The following SCAMP1 variants were observed in gnomAD, a reference collection of about 807,000 sequenced individuals.
The protein encoded by SCAMP1 is secretory carrier-associated membrane protein 1.
SCAMP1 carries 15 observed loss-of-function variants against 41.8 expected under a neutral mutation model. That is an observed-to-expected ratio of 0.36 (90% CI 0.24 to 0.55). SCAMP1 has a LOEUF of 0.55. SCAMP1 is among the 20% of genes least tolerant of loss of function. The pLI is 0.86. For missense variants in SCAMP1, 341 were observed against 412.6 expected, an observed-to-expected ratio of 0.83 and a Z score of 1.50; for synonymous variants, 135 against 136.8, an observed-to-expected ratio of 0.99 and a Z score of 0.09.
At chr5:78,463,024 C>G (rs1753655294) in intron 8 of SCAMP1, among the ~76,000 whole-genome samples, 1 of 61,206 alleles carries the variant, frequency 1.6e-5, no homozygotes, top group African/African-American at 8.7e-5. Context: ...TTTAAAACCA[C>G]TTTTACTCTT....
chr5:78,449,553 A>G (rs1267460287), intron 6 of SCAMP1, among the ~76,000 whole-genome samples: 4 of 152,240 alleles, frequency 2.6e-5, no homozygotes, highest in Admixed American at 6.5e-5. Context: ...GTATATAAAT[A>G]TGTCAAAAAT....
At chr5:78,416,509 A>G (rs1308488093) in intron 3 of SCAMP1, 32 bp from the exon 4 acceptor site, 4 of 1,465,164 alleles carry the variant, frequency 2.7e-6, no homozygotes, top group East Asian at 2.4e-5. Flanking sequence ...TACTTCTGAC[A>G]GTCTATTCAC....
intron 6 of SCAMP1, among the ~76,000 whole-genome samples, chr5:78,448,601 T>C (rs1177172611): frequency 6.6e-6 from 1 of 152,198 alleles, no homozygotes; most frequent in Non-Finnish European, 1.5e-5. Context: ...CCATGTAAGA[T>C]ATTACTGTAC....
intron 6 of SCAMP1, among the ~76,000 whole-genome samples, chr5:78,424,838 CATT>C (rs1752426510): frequency 6.6e-6 from 1 of 152,178 alleles, no homozygotes. Flanking sequence ...AACAAGGCAG[CATT>C]ATTGTTGAAT....
At chr5:78,365,649 C>A (rs928245068) in intron 1 of SCAMP1, among the ~76,000 whole-genome samples, 2 of 152,070 alleles carry the variant, frequency 1.3e-5, no homozygotes, top group Non-Finnish European at 2.9e-5. Context: ...CTACATCAAC[C>A]TGCTAGACTA....
intron 6 of SCAMP1, among the ~76,000 whole-genome samples, chr5:78,435,042 G>A (rs938919239): frequency 2.0e-5 from 3 of 152,170 alleles, no homozygotes; most frequent in African/African-American, 7.2e-5. Flanking sequence ...CATGTATGGT[G>A]TATCTAAGAG....
rs950159191 is a variant in SCAMP1 at position 78,476,560 on chromosome 5, A to T, written c.*892A>T. The T allele has an allele frequency of 2.0e-5, 3 of 152,542 alleles. No individual in the cohort carries two copies. Among genetic ancestry groups the T allele is most frequent in the Non-Finnish European group, 4.4e-5 (3 of 67,976 alleles). 9.4% of individuals were successfully genotyped at this position (152,542 alleles called of 1,614,324 possible). A position where few individuals can be genotyped will look rare whatever the true frequency, so the allele number is the denominator to read the frequency against. ...TTGGTATATTCTGTGGTTACAACTAAGATTGTGTCTGGCAGCTCTTTTTTG... is the reference window on the plus strand; with the variant it reads ...TTGGTATATTCTGTGGTTACAACTATGATTGTGTCTGGCAGCTCTTTTTTG... On this transcript the variant is annotated 3_prime_UTR_variant, in exon 9 of 9. Coordinates refer to ENST00000621999, the MANE Select transcript of SCAMP1 (RefSeq NM_004866.6).
intron 7 of SCAMP1, among the ~76,000 whole-genome samples, chr5:78,451,713 C>T (rs754842797): frequency 9.9e-5 from 15 of 152,096 alleles, no homozygotes; most frequent in Admixed American, 5.9e-4. Context: ...GCTGGAGTGC[C>T]GTGGCATGAT....
At chr5:78,399,515 T>C (rs566378629) in intron 2 of SCAMP1, among the ~76,000 whole-genome samples, 13 of 152,352 alleles carry the variant, frequency 8.5e-5, no homozygotes, top group African/African-American at 3.1e-4. Flanking sequence ...GCCATCTTAA[T>C]TGGTGTGTAG....
chr5:78,368,667 C>G (rs1200143067), intron 1 of SCAMP1, among the ~76,000 whole-genome samples: 2 of 152,008 alleles, frequency 1.3e-5, no homozygotes, highest in African/African-American at 4.8e-5. Context: ...CTAGGATATG[C>G]CCAAAGAGGA....
In SCAMP1 at chr5:78,480,024, C is replaced by T. The variant is rs997159761; in HGVS notation, c.*4356C>T. Reference sequence around the variant, plus strand: ...TCTCTCCACTGCACTCCAGCCTGGGCGACAGAGCGAGACTCCATCTCAAGA... The same window carrying T: ...TCTCTCCACTGCACTCCAGCCTGGGTGACAGAGCGAGACTCCATCTCAAGA... On this transcript the variant is annotated 3_prime_UTR_variant, in exon 9 of 9. Transcript: ENST00000621999. Among the ~76,000 whole-genome samples the T allele has an allele frequency of 8.7e-5, 13 of 149,700 alleles. No individual in the cohort carries two copies. Among genetic ancestry groups the T allele is most frequent in the African/African-American group, 2.7e-4 (11 of 40,240 alleles).
At chr5:78,470,416 C>T (rs1163953229) in intron 8 of SCAMP1, among the ~76,000 whole-genome samples, 3 of 152,230 alleles carry the variant, frequency 2.0e-5, no homozygotes, top group African/African-American at 7.2e-5. Flanking sequence ...TGGAGTTATA[C>T]AATATTTTCC....
intron 6 of SCAMP1, among the ~76,000 whole-genome samples, chr5:78,448,900 T>C (rs1012844898): frequency 3.8e-4 from 57 of 151,650 alleles, no homozygotes; most frequent in African/African-American, 1.4e-3. Context: ...CTCGGGAGGC[T>C]GAGACAGGAG....
intron 5 of SCAMP1, among the ~76,000 whole-genome samples, chr5:78,420,860 A>T (rs986599089): frequency 6.6e-6 from 1 of 152,220 alleles, no homozygotes; most frequent in Non-Finnish European, 1.5e-5. Flanking sequence ...TTTGAGATTT[A>T]AAAAACTAGA....
chr5:78,411,325 C>A (rs1752069732), intron 2 of SCAMP1, among the ~76,000 whole-genome samples: 1 of 152,056 alleles, frequency 6.6e-6, no homozygotes, highest in Non-Finnish European at 1.5e-5. Context: ...ATTGATTAGC[C>A]TTAGTTTTTC....
chr5:78,429,771 A>G (rs1026469449), intron 6 of SCAMP1, among the ~76,000 whole-genome samples: 1 of 151,996 alleles, frequency 6.6e-6, no homozygotes, highest in Non-Finnish European at 1.5e-5. Flanking sequence ...AGTTTGATCC[A>G]TATTTATTGT....
At chr5:78,434,184 A>G (rs981476057) in intron 6 of SCAMP1, among the ~76,000 whole-genome samples, 11 of 152,198 alleles carry the variant, frequency 7.2e-5, no homozygotes, top group African/African-American at 2.4e-4. Flanking sequence ...ATACCCATGT[A>G]GCTTTGGCTC....
At chr5:78,401,429 G>A (rs890593865) in intron 2 of SCAMP1, among the ~76,000 whole-genome samples, 2 of 152,090 alleles carry the variant, frequency 1.3e-5, no homozygotes, top group African/African-American at 4.8e-5. Context: ...TAAATGATTG[G>A]TAGAATTCAC....
Position 78,476,416 on chromosome 5 carries a change from A to G in SCAMP1, c.*748A>G, listed in dbSNP as rs576672284. On this transcript the variant is annotated 3_prime_UTR_variant, in exon 9 of 9. Transcript: ENST00000621999. ...TGGGGGTGCAATATAAGAAGTTTAT[A>G]TAATATGCAGTACATTATCCAAAAG... The G allele has an allele frequency of 1.3e-5, 2 of 152,744 alleles. No homozygotes were observed. The highest frequency in any genetic ancestry group is 6.5e-5 in the Admixed American group (1 of 15,294). 9.5% of individuals were successfully genotyped at this position (152,744 alleles called of 1,614,324 possible).
Sources: gnomAD v4.1 joint callset for allele counts (sites outside exome capture counted in the v4.1 genomes callset) on GRCh38, gnomAD v4.1.1 for gene constraint, MANE v1.5 for transcripts, NCBI Gene and HGNC (gene_info 2026-07-23, HGNC 2026-07-21) for gene names.